Variants in ARHGEF11 observed in about 807,000 individuals in gnomAD.
The protein encoded by ARHGEF11 is Rho guanine exchange factor (GEF) 11.
Under a neutral mutation model 193.7 loss-of-function variants are expected in ARHGEF11, and 55 were observed. That is an observed-to-expected ratio of 0.28 (90% CI 0.23 to 0.36). ARHGEF11 has a LOEUF of 0.36. Among genes scored for constraint, ARHGEF11 ranks in the 10% least tolerant of loss-of-function variants. The pLI is 1.00. For synonymous variants in ARHGEF11, 693 were observed against 768.0 expected (o/e 0.90, Z 1.62); for missense variants, 1,723 against 2,005.6 (o/e 0.86, Z 2.69).
chr1:157,002,272 C>A (rs566930204), intron 1 of ARHGEF11, among the ~76,000 whole-genome samples: 20 of 152,134 alleles, frequency 1.3e-4, no homozygotes, highest in African/African-American at 1.9e-4. Flanking sequence ...AGGAAATGAA[C>A]CTGGATTGGC....
rs143192079 is a variant in ARHGEF11 at position 157,023,452 on chromosome 1, A to G, written c.32+20847T>C. Among the ~76,000 whole-genome samples the G allele has an allele frequency of 8.1e-4, 124 of 152,318 alleles. 1 individual carries two copies. Among genetic ancestry groups the G allele is most frequent in the Non-Finnish European group, 1.4e-3 (92 of 68,026 alleles). On this transcript the variant is annotated intron_variant, in intron 1 of 40. Transcript: ENST00000368194. ...AACCATGAGATACTACTTTATGCCCACTGTCCAGCTATAATAAAATGACAG... is the reference window on the plus strand; with the variant it reads ...AACCATGAGATACTACTTTATGCCCGCTGTCCAGCTATAATAAAATGACAG...
intron 1 of ARHGEF11, among the ~76,000 whole-genome samples, chr1:157,020,403 A>G (rs1257676017): frequency 6.6e-6 from 1 of 152,206 alleles, no homozygotes; most frequent in African/African-American, 2.4e-5. Context: ...ATAGAGATGC[A>G]GGTACTCGCT....
chr1:156,942,966 C>G (rs1310945689), intron 32 of ARHGEF11, among the ~76,000 whole-genome samples, 186 bp from the exon 33 acceptor site: 2 of 152,156 alleles, frequency 1.3e-5, no homozygotes, highest in Non-Finnish European at 2.9e-5. Context: ...AGAGGAAATT[C>G]CAGGACCCCT....
intron 1 of ARHGEF11, among the ~76,000 whole-genome samples, chr1:157,009,966 A>G (rs1030295455): frequency 6.6e-6 from 1 of 152,102 alleles, no homozygotes; most frequent in Non-Finnish European, 1.5e-5. Flanking sequence ...CCCTTCCCTC[A>G]AAAACAGATG....
At chr1:156,982,942 A>G (rs990210041) in intron 3 of ARHGEF11, among the ~76,000 whole-genome samples, 4 of 152,220 alleles carry the variant, frequency 2.6e-5, no homozygotes, top group Non-Finnish European at 5.9e-5. Context: ...TATGATCCAC[A>G]TACTCATTTT....
intron 1 of ARHGEF11, among the ~76,000 whole-genome samples, chr1:157,005,259 C>T (rs1667684403): frequency 6.6e-6 from 1 of 152,166 alleles, no homozygotes; most frequent in Non-Finnish European, 1.5e-5. Flanking sequence ...AATGCTGTCC[C>T]TTATAGCTCC....
At chr1:157,040,547 T>A (rs1457068596) in intron 1 of ARHGEF11, among the ~76,000 whole-genome samples, 1 of 152,194 alleles carries the variant, frequency 6.6e-6, no homozygotes, top group Non-Finnish European at 1.5e-5. Context: ...TTCATCAGAG[T>A]TCCTGGGAAG....
intron 1 of ARHGEF11, among the ~76,000 whole-genome samples, chr1:157,042,095 T>G (rs1288541900): frequency 6.6e-6 from 1 of 152,174 alleles, no homozygotes. Flanking sequence ...TAAGATTCAG[T>G]GCAGCTAGCT....
At chr1:156,950,849 T>C (rs939322967) in intron 22 of ARHGEF11, among the ~76,000 whole-genome samples, 1 of 152,186 alleles carries the variant, frequency 6.6e-6, no homozygotes. Flanking sequence ...AAGGGTGGTG[T>C]TGGTTTTTAA....
intron 18 of ARHGEF11, among the ~76,000 whole-genome samples, chr1:156,957,173 C>G (rs909793270): frequency 1.3e-5 from 2 of 152,166 alleles, no homozygotes; most frequent in Admixed American, 1.3e-4. Flanking sequence ...TGGATGATGA[C>G]CCACTCTATG....
chr1:156,955,055 T>G (rs1039973168), intron 20 of ARHGEF11, 134 bp from the exon 21 acceptor site: 5 of 736,012 alleles, frequency 6.8e-6, no homozygotes, highest in South Asian at 1.8e-5. Flanking sequence ...TAGAAGAATC[T>G]CTTTCCGTTT....
chr1:156,947,245 G>A, intron 26 of ARHGEF11, 59 bp downstream of exon 26: 1 of 1,558,600 alleles, frequency 6.4e-7, no homozygotes, highest in Non-Finnish European at 8.7e-7. Flanking sequence ...TGGGGCCAAA[G>A]TGGAACAGGA....
chr1:156,963,655 C>T, intron 11 of ARHGEF11, 61 bp from the exon 12 acceptor site: 38 of 1,586,418 alleles, frequency 2.4e-5, no homozygotes, highest in Non-Finnish European at 3.2e-5. Context: ...ATTCAACCAC[C>T]TCAGTGAAGT....
rs564637870 is a variant in ARHGEF11, at chr1:156,977,756, T to C, written c.510+448A>G. 1.5e-4 allele frequency among the ~76,000 whole-genome samples: 23 copies of C among 152,228 alleles called. No homozygotes were observed. The South Asian group carries it at 4.8e-3, about 32-fold the overall frequency. The stretch of plus-strand genomic sequence containing the variant: ...TTTTCTGGTCCCTCCCTCTACTGAG[T>C]GGGCTCTATATTTTGCACCTCAAAG... On this transcript the variant is annotated intron_variant, in intron 6 of 40. Coordinates refer to ENST00000368194, the MANE Select transcript of ARHGEF11 (RefSeq NM_198236.3).
intron 22 of ARHGEF11, among the ~76,000 whole-genome samples, chr1:156,950,042 T>G (rs1049994389): frequency 6.6e-6 from 1 of 152,212 alleles, no homozygotes. Flanking sequence ...ACTTTGTAAA[T>G]GGTCTCAAAT....
In ARHGEF11 at chr1:156,956,560, G is replaced by A. The variant is rs1367588277; in HGVS notation, c.1531C>T (p.Pro511Ser). The change falls in exon 19 of 41, where the codon CCC (proline) becomes TCC (serine). Residue 511 changes from proline (P) to serine (S), a missense_variant. Pro to Ser is a moderately conservative substitution (Grantham distance 74). Coordinates refer to ENST00000368194, the MANE Select transcript of ARHGEF11 (RefSeq NM_198236.3). ...LSKYEEDRSA[P>S]MDFALNTYMS... ...TAGGTATTGAGGGCGAAGTCCATGG[G>A]GGCGCTGTAAAAGAGGAACAGTGTC... is the stretch of plus-strand genomic sequence containing the variant. The A allele has an allele frequency of 4.3e-6, 7 of 1,614,144 alleles. No individual in the cohort carries two copies. In the East Asian group the frequency reaches 1.1e-4, roughly 26 times the overall value.
At chr1:157,035,831 T>TATA (rs112484927) in intron 1 of ARHGEF11, among the ~76,000 whole-genome samples, 2 of 65,778 alleles carry the variant, frequency 3.0e-5, no homozygotes, top group Admixed American at 3.3e-4. Flanking sequence ...AATATATATA[T>TATA]GGAATATATA....
chr1:157,016,695 A>G (rs1020813366), intron 1 of ARHGEF11, among the ~76,000 whole-genome samples: 1 of 152,242 alleles, frequency 6.6e-6, no homozygotes, highest in African/African-American at 2.4e-5. Flanking sequence ...AATCTGATGA[A>G]GGGTATGTAG....
intron 3 of ARHGEF11, among the ~76,000 whole-genome samples, chr1:156,980,728 T>C (rs996051547): frequency 6.7e-6 from 1 of 149,558 alleles, no homozygotes; most frequent in Non-Finnish European, 1.5e-5. Context: ...AGACTTCTGA[T>C]AGCCAGGCCA....
Sources: gnomAD v4.1 joint callset for allele counts (sites outside exome capture counted in the v4.1 genomes callset) on GRCh38, gnomAD v4.1.1 for gene constraint, MANE v1.5 for transcripts, NCBI Gene and HGNC (gene_info 2026-07-23, HGNC 2026-07-21) for gene names.